Variants in PALS2 observed in about 807,000 individuals in gnomAD.
PALS2 encodes protein PALS2.
Under a neutral mutation model 61.6 loss-of-function variants are expected in PALS2, and 27 were observed. That is an observed-to-expected ratio of 0.44 (90% confidence interval 0.32 to 0.60). The LOEUF (loss-of-function observed/expected upper bound fraction) is 0.60. Among genes scored for constraint, PALS2 ranks in the 20% least tolerant of loss-of-function variants. The pLI, the probability that PALS2 is intolerant of heterozygous loss-of-function variation, is 0.05. For synonymous variants in PALS2, 236 were observed against 218.6 expected (o/e 1.08, Z -0.70); for missense variants, 554 against 639.4 (o/e 0.87, Z 1.44).
chr7:24,691,407 A>ATG lies in PALS2; in HGVS notation c.*3794_*3795insGT, dbSNP rs1562674771. 2.4e-4 allele frequency: 16 copies of ATG among 65,720 alleles called. 1 individual carries two copies. The highest frequency in any genetic ancestry group is 1.1e-3 in the Admixed American group (6 of 5,640). 4.1% of individuals were successfully genotyped at this position (65,720 alleles called of 1,614,324 possible). A position where few individuals can be genotyped will look rare whatever the true frequency, so the allele number is the denominator to read the frequency against. ...ATTATGTATGTGTGTGTGTGTGTGTATATATATATATATATATATATATAT... is the reference window on the plus strand; with the variant it reads ...ATTATGTATGTGTGTGTGTGTGTGTATGTATATATATATATATATATATATAT... On this transcript the variant is annotated 3_prime_UTR_variant, in exon 12 of 12. Transcript: ENST00000222644.
At chr7:24,628,031 A>T (rs1360395559) in intron 2 of PALS2, among the ~76,000 whole-genome samples, 1 of 152,258 alleles carries the variant, frequency 6.6e-6, no homozygotes, top group Non-Finnish European at 1.5e-5. Context: ...GGCCAGCATC[A>T]TCCTGATAAC....
At chr7:24,594,615 C>T (rs933450476) in intron 1 of PALS2, among the ~76,000 whole-genome samples, 4 of 152,038 alleles carry the variant, frequency 2.6e-5, no homozygotes, top group Middle Eastern at 6.8e-3. Flanking sequence ...GAGAGGGAGA[C>T]GAGGAATGGC....
chr7:24,575,118 T>G (rs1782596466), intron 1 of PALS2, among the ~76,000 whole-genome samples: 1 of 152,232 alleles, frequency 6.6e-6, no homozygotes, highest in African/African-American at 2.4e-5. Flanking sequence ...TCCTTCATTC[T>G]GGACTACGGT....
intron 1 of PALS2, among the ~76,000 whole-genome samples, chr7:24,582,609 T>C (rs1015287641): frequency 2.0e-5 from 3 of 152,134 alleles, no homozygotes; most frequent in Non-Finnish European, 4.4e-5. Context: ...AGTGGATTTG[T>C]CTTCTTTTTA....
chr7:24,577,752 C>T (rs1291219028), intron 1 of PALS2, among the ~76,000 whole-genome samples: 1 of 152,108 alleles, frequency 6.6e-6, no homozygotes, highest in Admixed American at 6.5e-5. Context: ...ATCATCTTTT[C>T]AGACAAGCAT....
chr7:24,665,352 AT>A (rs1201339206), intron 6 of PALS2, among the ~76,000 whole-genome samples: 1 of 152,166 alleles, frequency 6.6e-6, no homozygotes, highest in Non-Finnish European at 1.5e-5. Flanking sequence ...TTTAATTTGT[AT>A]TTTGGTCCCC....
chr7:24,589,076 G>T (rs928283518), intron 1 of PALS2: 1 of 152,134 alleles, frequency 6.6e-6, no homozygotes, highest in African/African-American at 2.4e-5. Flanking sequence ...CAAATTTTGT[G>T]TGTGTGTGTG....
At chr7:24,632,361 C>G (rs1785035891) in intron 2 of PALS2, among the ~76,000 whole-genome samples, 1 of 152,126 alleles carries the variant, frequency 6.6e-6, no homozygotes, top group Non-Finnish European at 1.5e-5. Flanking sequence ...TTCTGGTAGA[C>G]AACATGTAAT....
Position 24,691,899 on chromosome 7 carries a change from A to G in PALS2, c.*4285A>G, listed in dbSNP as rs1788495676. 1.3e-5 allele frequency: 2 copies of G among 152,000 alleles called. No individual in the cohort carries two copies. The highest frequency in any genetic ancestry group is 2.1e-4 in the South Asian group (1 of 4,834). 9.4% of individuals were successfully genotyped at this position (152,000 alleles called of 1,614,324 possible). A position where few individuals can be genotyped will look rare whatever the true frequency, so the allele number is the denominator to read the frequency against. On this transcript the variant is annotated 3_prime_UTR_variant, in exon 12 of 12. Coordinates refer to ENST00000222644, the MANE Select transcript of PALS2 (RefSeq NM_001303037.2). ...CTTTTAAATAATGGGATTATTGTAT[A>G]TAGTACAAATGAATACTCACAAAAT...
chr7:24,576,746 T>G (rs1384346033), intron 1 of PALS2, among the ~76,000 whole-genome samples: 3 of 152,224 alleles, frequency 2.0e-5, no homozygotes, highest in Non-Finnish European at 4.4e-5. Flanking sequence ...TTCTGTGAAG[T>G]GTATCTATAT....
intron 5 of PALS2, among the ~76,000 whole-genome samples, chr7:24,658,736 T>C (rs1189648879): frequency 6.6e-6 from 1 of 151,862 alleles, no homozygotes; most frequent in Non-Finnish European, 1.5e-5. Context: ...TTTTTTTTTT[T>C]AGTAGAGACA....
At chr7:24,619,458 C>T (rs1398830010) in intron 1 of PALS2, among the ~76,000 whole-genome samples, 1 of 151,928 alleles carries the variant, frequency 6.6e-6, no homozygotes, top group Non-Finnish European at 1.5e-5. Flanking sequence ...TAGCTCACGC[C>T]TGTAATCCCA....
chr7:24,662,936 CT>C (rs1786813148), intron 5 of PALS2, among the ~76,000 whole-genome samples: 3 of 152,160 alleles, frequency 2.0e-5, no homozygotes, highest in African/African-American at 7.2e-5. Flanking sequence ...AACTGACATA[CT>C]TTTATTAATA....
rs1784391643 is a variant in PALS2, at chr7:24,618,935, C to G, written c.-2-4731C>G. 6.6e-6 allele frequency among the ~76,000 whole-genome samples: 1 copy of G among 152,222 alleles called. No individual in the cohort carries two copies. Among genetic ancestry groups the G allele is most frequent in the African/African-American group, 2.4e-5 (1 of 41,456 alleles). On this transcript the variant is annotated intron_variant, in intron 1 of 11. Transcript: ENST00000222644. This position sits in a 1 kb window ranked among gnomAD's most constrained non-coding sequence, Gnocchi z 5.1. ...GCACCAGACACTTACCGTCAGCCAT[C>G]TTACTGACATCACTCTTCGTGTCTT...
chr7:24,609,889 C>G (rs1300364907), intron 1 of PALS2, among the ~76,000 whole-genome samples: 1 of 152,128 alleles, frequency 6.6e-6, no homozygotes, highest in Non-Finnish European at 1.5e-5. Context: ...TTGTTGTTGA[C>G]TCCAAGCTTG....
At chr7:24,669,737 G>A (rs1371528436) in intron 9 of PALS2, among the ~76,000 whole-genome samples, 1 of 152,134 alleles carries the variant, frequency 6.6e-6, no homozygotes, top group Non-Finnish European at 1.5e-5. Flanking sequence ...TAGGGAAATA[G>A]CCTTGTCATT....
chr7:24,595,831 A>G (rs1437444568), intron 1 of PALS2, among the ~76,000 whole-genome samples: 1 of 151,624 alleles, frequency 6.6e-6, no homozygotes, highest in Non-Finnish European at 1.5e-5. Context: ...CTGTGACAAA[A>G]TGAAGAGAAT....
At position 24,633,922 on chromosome 7, in the gene PALS2, G is replaced by T. The variant is rs933718059; in HGVS notation, c.118-7794G>T. Among the ~76,000 whole-genome samples the T allele has an allele frequency of 2.6e-5, 4 of 152,208 alleles. No individual in the cohort carries two copies. In the South Asian group the frequency reaches 8.3e-4, roughly 32 times the overall value. On this transcript the variant is annotated intron_variant, in intron 2 of 11. Coordinates refer to ENST00000222644, the MANE Select transcript of PALS2 (RefSeq NM_001303037.2). ...TTTTTTGGTTCTTAACTGTCCTAGTGGGTGTGAAGTGGTATTTTATTGTGG... is the reference window on the plus strand; with the variant it reads ...TTTTTTGGTTCTTAACTGTCCTAGTTGGTGTGAAGTGGTATTTTATTGTGG...
intron 1 of PALS2, among the ~76,000 whole-genome samples, chr7:24,623,413 TGTAA>T (rs2128057525): frequency 6.6e-6 from 1 of 152,172 alleles, no homozygotes; most frequent in South Asian, 2.1e-4. Context: ...AGTGCAAGGT[TGTAA>T]GTATGTGTAA....
Sources: allele counts gnomAD v4.1 joint callset (sites outside exome capture counted in the v4.1 genomes callset), GRCh38; gene constraint gnomAD v4.1.1; non-coding constraint Gnocchi (gnomAD v3.1); transcripts MANE v1.5; gene names NCBI Gene and HGNC (gene_info 2026-07-23, HGNC 2026-07-21).